Variants in SH3RF3 observed in about 807,000 individuals in gnomAD.
SH3RF3 encodes the protein SH3 domain containing ring finger 3, also known as E3 ubiquitin-protein ligase SH3RF3.
Under a neutral mutation model 66.3 loss-of-function variants are expected in SH3RF3, and 29 were observed. The observed-to-expected ratio is 0.44, with a 90% CI of 0.33 to 0.60. The LOEUF is 0.60. Among genes scored for constraint, SH3RF3 ranks in the 20% least tolerant of loss-of-function variants. The pLI is 0.04. For missense variants in SH3RF3, 1,194 were observed against 1,190.9 expected (o/e 1.00, Z -0.04); for synonymous variants, 583 against 532.0 (o/e 1.10, Z -1.32).
At position 109,493,152 on chromosome 2, in the gene SH3RF3, A is replaced by ACAT. The variant is rs1221985312; in HGVS notation, c.2480+2216_2480+2217insCAT. 1.4e-3 allele frequency among the ~76,000 whole-genome samples: 215 copies of ACAT among 151,346 alleles called. 2 individuals are homozygous for ACAT. The highest frequency in any genetic ancestry group is 5.0e-3 in the African/African-American group (205 of 41,014). Reference sequence around the variant, plus strand: ...CACATACCCCACATACATCATACAAAACACATACACCACACATACGCCATG... The same window carrying ACAT: ...CACATACCCCACATACATCATACAAACATACACATACACCACACATACGCCATG... On this transcript the variant is annotated intron_variant, in intron 9 of 9. Coordinates refer to ENST00000309415, the MANE Select transcript of SH3RF3 (RefSeq NM_001099289.3).
chr2:109,370,458 T>C (rs1683244778), intron 2 of SH3RF3, among the ~76,000 whole-genome samples: 1 of 152,054 alleles, frequency 6.6e-6, no homozygotes, highest in Non-Finnish European at 1.5e-5. Context: ...CAGGCTGGTC[T>C]CAAACTCCTG....
rs772476903 is a variant in SH3RF3 at position 109,129,456 on chromosome 2, G to T, written c.-85G>T. On this transcript the variant is annotated 5_prime_UTR_variant, in exon 1 of 10. Transcript: ENST00000309415. ...AGTCACGGCGGAGCCCGGCTCCCCA[G>T]TCCTGATGCTGGCTGCCGGTGGCGG... 6.0e-6 allele frequency: 9 copies of T among 1,495,254 alleles called. No homozygotes were observed. The highest frequency in any genetic ancestry group is 8.0e-6 in the Non-Finnish European group (9 of 1,127,168). 92.6% of individuals were successfully genotyped at this position (1,495,254 alleles called of 1,614,324 possible).
intron 4 of SH3RF3, among the ~76,000 whole-genome samples, chr2:109,418,901 G>A (rs1676796442): frequency 6.6e-6 from 1 of 152,156 alleles, no homozygotes; most frequent in Non-Finnish European, 1.5e-5. Context: ...AATTCCCTTG[G>A]CAAGACCATG....
intron 8 of SH3RF3, among the ~76,000 whole-genome samples, chr2:109,452,918 AGGAGGCTGGTCCCG>A (rs1421299530): frequency 3.7e-5 from 5 of 134,294 alleles, no homozygotes; most frequent in African/African-American, 5.8e-5. Context: ...GGCTGGTGCC[AGGAGGCTGGTCCCG>A]GGAGGCTGGT....
Position 109,347,990 on chromosome 2 carries a change from C to T in SH3RF3, c.849+41C>T, listed in dbSNP as rs1450969293. On this transcript the variant is annotated intron_variant, in intron 2 of 9. Transcript: ENST00000309415. The stretch of plus-strand genomic sequence containing the variant: ...GGGTGGGCCCCGCCAGCCCATGCAG[C>T]CTCTGTGCCACCCAGGGCTCTTCCC... 1.4e-5 allele frequency: 22 copies of T among 1,558,414 alleles called. No individual in the cohort carries two copies. In the East Asian group the frequency reaches 5.0e-4, roughly 36 times the overall value.
intron 3 of SH3RF3, among the ~76,000 whole-genome samples, chr2:109,394,026 G>A (rs577359681): frequency 6.6e-6 from 1 of 152,170 alleles, no homozygotes; most frequent in South Asian, 2.1e-4. Flanking sequence ...TCCAGGAGCT[G>A]CGGGGAGAGA....
In SH3RF3 at chr2:109,238,092, G is replaced by A. The variant is rs1316422075; in HGVS notation, c.573+107979G>A. On this transcript the variant is annotated intron_variant, in intron 1 of 9. Transcript: ENST00000309415. ...ATGGTGGCATCTGCCTGTAATCCCA[G>A]GTGGAGCTGAGGCAGGAGCATTTCT... Among the ~76,000 whole-genome samples the A allele has an allele frequency of 2.0e-5, 3 of 152,186 alleles. No individual in the cohort carries two copies. The East Asian group carries it at 5.8e-4, about 29-fold the overall frequency.
intron 4 of SH3RF3, among the ~76,000 whole-genome samples, chr2:109,405,485 ATCT>A (rs1676429815): frequency 6.6e-6 from 1 of 151,982 alleles, no homozygotes; most frequent in Admixed American, 6.6e-5. Flanking sequence ...GCCTGTGCAG[ATCT>A]TCTCCCTGCG....
intron 8 of SH3RF3, among the ~76,000 whole-genome samples, chr2:109,488,547 C>A (rs1016790345): frequency 6.6e-6 from 1 of 152,218 alleles, no homozygotes; most frequent in African/African-American, 2.4e-5. Flanking sequence ...CCTCCTCACT[C>A]CCTGCCCCCA....
chr2:109,387,301 G>A (rs576633361), intron 3 of SH3RF3, among the ~76,000 whole-genome samples: 27 of 152,252 alleles, frequency 1.8e-4, no homozygotes, highest in African/African-American at 6.0e-4. Flanking sequence ...CGCCAGGGCC[G>A]GGGGATCCTG....
chr2:109,357,060 AT>A (rs979053805), intron 2 of SH3RF3, among the ~76,000 whole-genome samples: 64 of 151,058 alleles, frequency 4.2e-4, no homozygotes, highest in Middle Eastern at 3.5e-3. Flanking sequence ...CCTTTTTAAA[AT>A]TTTTTTTTAT....
chr2:109,292,143 G>T (rs980139530), intron 1 of SH3RF3, among the ~76,000 whole-genome samples: 1 of 152,208 alleles, frequency 6.6e-6, no homozygotes, highest in African/African-American at 2.4e-5. Flanking sequence ...GATTACAGGC[G>T]TGAGCTACCG....
At chr2:109,207,431 G>C (rs772029871) in intron 1 of SH3RF3, among the ~76,000 whole-genome samples, 1 of 152,104 alleles carries the variant, frequency 6.6e-6, no homozygotes, top group Non-Finnish European at 1.5e-5. Context: ...TGGCAGTTTC[G>C]ATTTTGAAAA....
At chr2:109,258,597 C>A (rs1311627188) in intron 1 of SH3RF3, among the ~76,000 whole-genome samples, 1 of 152,224 alleles carries the variant, frequency 6.6e-6, no homozygotes, top group East Asian at 1.9e-4. Flanking sequence ...CGCAATTCCC[C>A]AGGCCGGGCC....
chr2:109,452,488 T>G (rs1458688193), intron 8 of SH3RF3, among the ~76,000 whole-genome samples: 1 of 152,226 alleles, frequency 6.6e-6, no homozygotes, highest in African/African-American at 2.4e-5. Context: ...CAGCGCAGTT[T>G]CCTAGCGCTA....
intron 1 of SH3RF3, among the ~76,000 whole-genome samples, chr2:109,249,257 G>GAAAAGTTATTTGGT (rs1451091031): frequency 6.6e-6 from 1 of 152,118 alleles, no homozygotes; most frequent in Non-Finnish European, 1.5e-5. Flanking sequence ...GGTTTCTGTT[G>GAAAAGTTATTTGGT]AAAAGTTATT....
intron 4 of SH3RF3, among the ~76,000 whole-genome samples, chr2:109,414,990 C>T (rs1466411560): frequency 6.6e-6 from 1 of 152,220 alleles, no homozygotes; most frequent in African/African-American, 2.4e-5. Context: ...GCCACCGCAG[C>T]CACAAAGGCC....
chr2:109,272,817 C>T (rs757496097), intron 1 of SH3RF3, among the ~76,000 whole-genome samples: 7 of 152,168 alleles, frequency 4.6e-5, no homozygotes, highest in Non-Finnish European at 1.0e-4. Flanking sequence ...ACACGCAGGA[C>T]GTCAGGCTTG....
At chr2:109,277,823 T>C (rs1680792394) in intron 1 of SH3RF3, among the ~76,000 whole-genome samples, 1 of 152,088 alleles carries the variant, frequency 6.6e-6, no homozygotes, top group Non-Finnish European at 1.5e-5. Context: ...CTCTTAAAAG[T>C]GGAGAAACAG....
Sources: gnomAD v4.1 joint callset for allele counts (sites outside exome capture counted in the v4.1 genomes callset) on GRCh38, gnomAD v4.1.1 for gene constraint, MANE v1.5 for transcripts, NCBI Gene and HGNC (gene_info 2026-07-23, HGNC 2026-07-21) for gene names.